FOXP3: variants seen among roughly 807,000 people sequenced by gnomAD.
The protein encoded by FOXP3 is forkhead box protein P3.
A neutral mutation model predicts 31.2 loss-of-function variants in FOXP3; 5 were observed. The ratio of observed to expected loss-of-function variants is 0.16; its 90% CI spans 0.08 to 0.34. The LOEUF (loss-of-function observed/expected upper bound fraction) is 0.34. Among genes scored for constraint, FOXP3 ranks in the 10% least tolerant of loss-of-function variants. The pLI, the probability that FOXP3 is intolerant of heterozygous loss-of-function variation, is 1.00. For synonymous variants in FOXP3, 141 were observed against 148.8 expected, an observed-to-expected ratio of 0.95 and a Z score of 0.38; for missense variants, 251 against 363.0, an observed-to-expected ratio of 0.69 and a Z score of 2.51.
chrX:49,254,223 C>T (rs2066053454), intron 8 of FOXP3, among the ~76,000 whole-genome samples, 156 bp from the exon 9 acceptor site: 1 of 112,009 alleles, frequency 8.9e-6, no homozygotes, highest in Non-Finnish European at 1.9e-5. Context: ...CCCCCACCTC[C>T]CAGATTCAAG....
chrX:49,258,606 ACT>A, intron 1 of FOXP3, 79 bp from the exon 2 acceptor site: 1 of 834,571 alleles, frequency 1.2e-6, no homozygotes, highest in Non-Finnish European at 1.6e-6. Context: ...CCACGTGGAC[ACT>A]CCTCTGGTCA....
chrX:49,251,444 C>T lies in FOXP3; in HGVS notation c.1186G>A (p.Val396Met). Residue 396 changes from valine to methionine, a missense_variant, in exon 12 of 12, where the codon GTG becomes ATG. Physicochemically the swap from Val to Met is conservative, Grantham distance 21 (BLOSUM62 1). Transcript: ENST00000376207. ...RHNLSLHKCF[V>M]RVESEKGAVW... is the part of the protein sequence containing the mutation. ...GCCCCCTTCTCGCTCTCCACCCGCA[C>T]AAAGCACTTGTGCAGACTCAGGTTG... is the stretch of plus-strand genomic sequence containing the variant. 1 of 1,212,174 alleles carries T rather than the reference C, an allele frequency of 8.2e-7. No individual in the cohort carries two copies. Among genetic ancestry groups the T allele is most frequent in the Non-Finnish European group, 1.1e-6 (1 of 895,621 alleles).
At chrX:49,261,569 C>T (rs190424294) in intron 1 of FOXP3, among the ~76,000 whole-genome samples, 29 of 112,741 alleles carry the variant, frequency 2.6e-4, no homozygotes, top group African/African-American at 8.7e-4. Flanking sequence ...ACTGACATGC[C>T]TCCATCATCA....
Position 49,253,862 on chromosome X carries a change from A to G in FOXP3, c.967+55T>C, listed in dbSNP as rs11465476. ...GAGCTCCTTTGCACCCTCCACCCAG[A>G]GCCTGTCAGGATTAGGAGCTTGGGG... On this transcript the variant is annotated intron_variant, in intron 9 of 11. Transcript: ENST00000376207. 1,656 of 1,198,378 alleles carry G rather than the reference A, an allele frequency of 1.4e-3. 13 individuals carry two copies. The African/African-American group carries it at 0.024, about 18-fold the overall frequency.
At chrX:49,255,962 T>A (rs1188900899) in intron 6 of FOXP3, among the ~76,000 whole-genome samples, 160 bp from the exon 7 acceptor site, 4 of 111,093 alleles carry the variant, frequency 3.6e-5, no homozygotes, top group Non-Finnish European at 7.6e-5. Context: ...CTCGTTCCCT[T>A]AACACATGCC....
At chrX:49,262,372 C>T (rs1369667391) in intron 1 of FOXP3, among the ~76,000 whole-genome samples, 3 of 112,499 alleles carry the variant, frequency 2.7e-5, no homozygotes, top group Admixed American at 1.9e-4. Context: ...CATGGACCCA[C>T]ATATGGAGAG....
chrX:49,256,613 G>T, intron 6 of FOXP3, 138 bp downstream of exon 6: 1 of 533,262 alleles, frequency 1.9e-6, no homozygotes, highest in East Asian at 3.6e-5. Flanking sequence ...GGATGGAGCT[G>T]GGATTTGAAC....
At chrX:49,258,600 G>A (rs781955218) in intron 1 of FOXP3, 73 bp from the exon 2 acceptor site, 410 of 865,509 alleles carry the variant, frequency 4.7e-4, no homozygotes, top group Middle Eastern at 1.5e-3. Context: ...CCTGAGCCAC[G>A]TGGACACTCC....
chrX:49,261,784 G>T (rs3761548), intron 1 of FOXP3, among the ~76,000 whole-genome samples: 35,811 of 111,175 alleles, frequency 0.32, 5,192 homozygotes, highest in Middle Eastern at 0.49. Context: ...ACTGAGGCCT[G>T]CAGTTGGGGA....
At chrX:49,251,574 G>A (rs201928852) in intron 11 of FOXP3, 90 bp downstream of exon 11, 399 of 1,207,697 alleles carry the variant, frequency 3.3e-4, no homozygotes, top group Non-Finnish European at 1.8e-4. Context: ...CCTCCCCAAT[G>A]TGCCTATGAG....
intron 9 of FOXP3, 55 bp from the exon 10 acceptor site, chrX:49,253,257 C>T: frequency 9.9e-7 from 1 of 1,012,366 alleles, no homozygotes; most frequent in African/African-American, 1.9e-5. Flanking sequence ...AGCTAGCTCC[C>T]TGTCCCCTCC....
Position 49,251,421 on chromosome X carries a change from C to A in FOXP3, c.1209G>T (p.Gly403=). Residue 403 remains glycine, a synonymous_variant, in exon 12 of 12, where the codon GGG becomes GGT. Coordinates refer to ENST00000376207, the MANE Select transcript of FOXP3 (RefSeq NM_014009.4). ...KCFVRVESEK[G]AVWTVDELEF... ...CCAGCTCATCCACGGTCCACACAGC[C>A]CCCTTCTCGCTCTCCACCCGCACAA... The A allele has an allele frequency of 8.3e-7, 1 of 1,212,021 alleles. No individual in the cohort carries two copies. Among genetic ancestry groups the A allele is most frequent in the Non-Finnish European group, 1.1e-6 (1 of 895,547 alleles).
At chrX:49,261,696 G>A (rs1297187529) in intron 1 of FOXP3, among the ~76,000 whole-genome samples, 1 of 112,184 alleles carries the variant, frequency 8.9e-6, no homozygotes, top group African/African-American at 3.2e-5. Context: ...GTGGGAAGTT[G>A]GGGTCCAACG....
Position 49,251,730 on chromosome X carries a change from G to T in FOXP3, c.1080C>A (p.Leu360=). The change falls in exon 11 of 12, where the codon CTC becomes CTA. Residue 360 remains leucine (L), a synonymous_variant. Coordinates refer to ENST00000376207, the MANE Select transcript of FOXP3 (RefSeq NM_014009.4). ...GTGTGAACCAGTGGTAGATCTCATT[G>T]AGTGTCCGCTGCTTCTCTGGAGCCT... ...ILEAPEKQRT[L]NEIYHWFTRM... The T allele has an allele frequency of 8.3e-7, 1 of 1,201,199 alleles. No individual in the cohort carries two copies. Among genetic ancestry groups the T allele is most frequent in the South Asian group, 1.8e-5 (1 of 56,960 alleles).
At chrX:49,257,096 C>T in intron 4 of FOXP3, 84 bp from the exon 5 acceptor site, 2 of 861,379 alleles carry the variant, frequency 2.3e-6, no homozygotes, top group Non-Finnish European at 1.7e-6. Context: ...TTGAGCTTCC[C>T]ACCCTCCTGA....
chrX:49,252,564 A>C (rs1193600347), intron 10 of FOXP3, among the ~76,000 whole-genome samples: 2 of 110,017 alleles, frequency 1.8e-5, no homozygotes, highest in African/African-American at 6.6e-5. Flanking sequence ...GTGTGGCGCT[A>C]GGATGAAGGT....
intron 7 of FOXP3, 22 bp from the exon 8 acceptor site, chrX:49,255,531 A>T (rs1557116171): frequency 8.5e-7 from 1 of 1,178,923 alleles, no homozygotes; most frequent in Non-Finnish European, 1.1e-6. Context: ...CACAAACATG[A>T]GGCCTCAGCC....
intron 6 of FOXP3, 93 bp from the exon 7 acceptor site, chrX:49,255,895 C>T (rs1557116240): frequency 1.3e-6 from 1 of 783,656 alleles, no homozygotes; most frequent in East Asian, 3.4e-5. Context: ...TCTGGGAGTT[C>T]TCTCCTCTGA....
chrX:49,259,876 C>T (rs1323875417), intron 1 of FOXP3, among the ~76,000 whole-genome samples: 1 of 111,394 alleles, frequency 9.0e-6, no homozygotes, highest in Non-Finnish European at 1.9e-5. Flanking sequence ...GTGTGTGTGT[C>T]TCCATCTCCC....
Sources: allele counts gnomAD v4.1 joint callset (sites outside exome capture counted in the v4.1 genomes callset), GRCh38; gene constraint gnomAD v4.1.1; transcripts MANE v1.5; gene names NCBI Gene and HGNC (gene_info 2026-07-23, HGNC 2026-07-21).